DDX4: variants seen among roughly 807,000 people sequenced by gnomAD.
The protein encoded by DDX4 is DEAD-box helicase 4.
A neutral mutation model predicts 100.0 loss-of-function variants in DDX4; 25 were observed. That is an observed-to-expected ratio of 0.25 (90% CI 0.18 to 0.35). DDX4 has a LOEUF of 0.35. DDX4 is among the 10% of genes least tolerant of loss of function. The probability of loss-of-function intolerance (pLI) is 1.00; values close to 1 mark genes in which losing one functional copy is unlikely to be tolerated. For synonymous variants in DDX4, 259 were observed against 275.7 expected, an observed-to-expected ratio of 0.94 and a Z score of 0.60; for missense variants, 635 against 882.4, an observed-to-expected ratio of 0.72 and a Z score of 3.55.
chr5:55,756,299 ATG>A (rs1190870851), intron 3 of DDX4, among the ~76,000 whole-genome samples: 1 of 152,156 alleles, frequency 6.6e-6, no homozygotes, highest in African/African-American at 2.4e-5. Flanking sequence ...CTGCATCAGA[ATG>A]TGTGTTTTAA....
intron 18 of DDX4, among the ~76,000 whole-genome samples, chr5:55,800,767 A>G (rs1743248593): frequency 6.6e-6 from 1 of 152,192 alleles, no homozygotes; most frequent in Admixed American, 6.5e-5. Flanking sequence ...CTTCTGTATT[A>G]TTTAAGCTGT....
At position 55,760,193 on chromosome 5, in the gene DDX4, G is replaced by A; in HGVS notation, c.128-7G>A. 6.4e-7 allele frequency: 1 copy of A among 1,569,862 alleles called. No homozygotes were observed. Among genetic ancestry groups the A allele is most frequent in the South Asian group, 1.2e-5 (1 of 83,300 alleles). ...TTTGACTTACTTCAAAATGTTGTTT[G>A]CTTTAGAAATGGATGATGGACCTTC... On this transcript the variant is annotated splice_polypyrimidine_tract_variant and splice_region_variant and intron_variant, in intron 3 of 21. Transcript: ENST00000505374.
At chr5:55,771,353 T>G (rs1741243352) in intron 7 of DDX4, among the ~76,000 whole-genome samples, 1 of 152,146 alleles carries the variant, frequency 6.6e-6, no homozygotes. Context: ...CAGCATACGA[T>G]AATTTCGTCT....
intron 17 of DDX4, among the ~76,000 whole-genome samples, chr5:55,795,512 A>G (rs1265678010): frequency 1.3e-5 from 2 of 152,238 alleles, no homozygotes; most frequent in Non-Finnish European, 2.9e-5. Context: ...GCTCATGCCT[A>G]TAATCCCAAC....
At chr5:55,814,592 G>C (rs757709815) in intron 19 of DDX4, among the ~76,000 whole-genome samples, 1 of 151,992 alleles carries the variant, frequency 6.6e-6, no homozygotes, top group Non-Finnish European at 1.5e-5. Flanking sequence ...CCCGGTTCAA[G>C]TGATTCTCCT....
chr5:55,787,599 T>A (rs1201060613), intron 14 of DDX4, among the ~76,000 whole-genome samples: 1 of 152,216 alleles, frequency 6.6e-6, no homozygotes, highest in Non-Finnish European at 1.5e-5. Flanking sequence ...GTGGGTATGC[T>A]TTTGAAAATA....
chr5:55,760,083 CT>C, intron 3 of DDX4, 116 bp from the exon 4 acceptor site: 13 of 1,018,632 alleles, frequency 1.3e-5, no homozygotes, highest in South Asian at 3.9e-5. Flanking sequence ...TGTTTGTCAC[CT>C]TTTTTACTGC....
chr5:55,806,985 G>C (rs1294584722), intron 18 of DDX4, among the ~76,000 whole-genome samples: 1 of 152,190 alleles, frequency 6.6e-6, no homozygotes, highest in Non-Finnish European at 1.5e-5. Flanking sequence ...CTAAGGACTT[G>C]CTTTATGAAT....
chr5:55,813,051 A>G (rs1406686874), intron 18 of DDX4, among the ~76,000 whole-genome samples: 1 of 152,142 alleles, frequency 6.6e-6, no homozygotes. Context: ...TGTGTGGGAA[A>G]ATCTCCGGCC....
chr5:55,804,879 T>TGGGGATG (rs1306448052), intron 18 of DDX4, among the ~76,000 whole-genome samples: 2 of 152,128 alleles, frequency 1.3e-5, no homozygotes. Flanking sequence ...GGTAGCTTGA[T>TGGGGATG]GGGGATGGCA....
At position 55,760,566 on chromosome 5, in the gene DDX4, T is replaced by C. The variant is rs562716263; in HGVS notation, c.205+289T>C. Among the ~76,000 whole-genome samples the C allele has an allele frequency of 2.0e-5, 3 of 152,286 alleles. No homozygotes were observed. The East Asian group carries it at 5.8e-4, about 29-fold the overall frequency. The stretch of plus-strand genomic sequence containing the variant: ...GCTGCTGCTTAATGTGTTTGTGATA[T>C]TGATTTCCAACAATTGATGTGGGAA... On this transcript the variant is annotated intron_variant, in intron 4 of 21. Transcript: ENST00000505374.
At chr5:55,813,611 C>G in intron 18 of DDX4, 62 bp from the exon 19 acceptor site, 1 of 1,480,968 alleles carries the variant, frequency 6.8e-7, no homozygotes, top group Non-Finnish European at 9.0e-7. Flanking sequence ...CCTCCTATCC[C>G]TGCTTTATTT....
chr5:55,804,373 T>C (rs1367307867), intron 18 of DDX4, among the ~76,000 whole-genome samples: 1 of 151,848 alleles, frequency 6.6e-6, no homozygotes, highest in Non-Finnish European at 1.5e-5. Context: ...TTGCTTTTGG[T>C]GTTTTAGACA....
intron 10 of DDX4, among the ~76,000 whole-genome samples, chr5:55,783,270 A>G (rs1010189432): frequency 3.9e-5 from 6 of 152,024 alleles, no homozygotes; most frequent in South Asian, 2.1e-4. Context: ...ATTCTTCAAT[A>G]TAGAAAGAGT....
chr5:55,744,060 T>A (rs944249638), intron 2 of DDX4, among the ~76,000 whole-genome samples: 1 of 152,178 alleles, frequency 6.6e-6, no homozygotes, highest in African/African-American at 2.4e-5. Context: ...TTTTTTTTAC[T>A]GTAGCAATTA....
intron 6 of DDX4, among the ~76,000 whole-genome samples, chr5:55,766,643 G>A (rs1265438919): frequency 6.6e-6 from 1 of 152,060 alleles, no homozygotes. Flanking sequence ...CAAGAGCTTT[G>A]GGTCACTGTT....
At chr5:55,743,436 C>A (rs963709280) in intron 2 of DDX4, among the ~76,000 whole-genome samples, 2 of 152,016 alleles carry the variant, frequency 1.3e-5, no homozygotes, top group Non-Finnish European at 2.9e-5. Context: ...CTCTCTCTTT[C>A]TTTTCTTTTT....
intron 18 of DDX4, among the ~76,000 whole-genome samples, chr5:55,800,324 G>GTTTT (rs776992728): frequency 1.5e-5 from 2 of 137,432 alleles, no homozygotes. Context: ...GTCACCTTAA[G>GTTTT]TTTTTTTTTT....
intron 18 of DDX4, among the ~76,000 whole-genome samples, chr5:55,810,475 C>T (rs1358635256): frequency 2.6e-5 from 4 of 152,030 alleles, no homozygotes; most frequent in Non-Finnish European, 5.9e-5. Context: ...ATCCCTAATC[C>T]AAAACTCTGA....
Sources: allele counts gnomAD v4.1 joint callset (sites outside exome capture counted in the v4.1 genomes callset), GRCh38; gene constraint gnomAD v4.1.1; transcripts MANE v1.5; gene names NCBI Gene and HGNC (gene_info 2026-07-23, HGNC 2026-07-21).